SKAP1: variants seen among roughly 807,000 people sequenced by gnomAD.
The protein encoded by SKAP1 is src kinase associated phosphoprotein 1, also known as src kinase-associated phosphoprotein 1.
In SKAP1, 44 loss-of-function variants were observed where a neutral mutation model predicts 58.5. That is an observed-to-expected ratio of 0.75 (90% confidence interval 0.59 to 0.97). The LOEUF (loss-of-function observed/expected upper bound fraction) is 0.97, where lower values mean the gene tolerates loss of function less well. SKAP1 is among the 50% of genes least tolerant of loss of function. The probability of loss-of-function intolerance (pLI) is 0.00; values close to 1 mark genes in which losing one functional copy is unlikely to be tolerated. For missense variants in SKAP1, 390 were observed against 435.2 expected (o/e 0.90, Z 0.92); for synonymous variants, 127 against 149.7 (o/e 0.85, Z 1.11).
chr17:48,396,037 C>T (rs941405983), intron 2 of SKAP1, among the ~76,000 whole-genome samples: 18 of 152,194 alleles, frequency 1.2e-4, no homozygotes, highest in African/African-American at 4.1e-4. Context: ...ATCCCTTGTT[C>T]TCATTCAGTT....
At chr17:48,264,265 C>T (rs1430655997) in intron 4 of SKAP1, among the ~76,000 whole-genome samples, 3 of 146,686 alleles carry the variant, frequency 2.0e-5, no homozygotes, top group Non-Finnish European at 3.0e-5. Context: ...TATATATATA[C>T]ACACACACAG....
At chr17:48,144,099 C>T (rs1178198538) in intron 11 of SKAP1, among the ~76,000 whole-genome samples, 3 of 152,148 alleles carry the variant, frequency 2.0e-5, no homozygotes, top group African/African-American at 7.2e-5. Context: ...CAACTCTCTG[C>T]CCTTCAAAAC....
chr17:48,156,444 A>G lies in SKAP1; in HGVS notation c.978+6025T>C, dbSNP rs117091718. 1.1e-3 allele frequency: 565 copies of G among 527,920 alleles called. 7 individuals are homozygous for G. In the East Asian group the frequency reaches 0.027, roughly 25 times the overall value. 32.7% of individuals were successfully genotyped at this position (527,920 alleles called of 1,614,324 possible). On this transcript the variant is annotated intron_variant, in intron 11 of 12. Coordinates refer to ENST00000336915, the MANE Select transcript of SKAP1 (RefSeq NM_003726.4). ...TGAGGAGACCTGCACCAGCGCCACA[A>G]TCTGGAGCCACTGAAGAGCGCTAAA...
intron 4 of SKAP1, among the ~76,000 whole-genome samples, chr17:48,205,012 TC>T (rs1187808543): frequency 0.033 from 812 of 24,480 alleles, 11 homozygotes; most frequent in African/African-American, 0.12. Context: ...TTTCTTTCTT[TC>T]TTTTTCTTTC....
intron 2 of SKAP1, among the ~76,000 whole-genome samples, chr17:48,366,074 G>A (rs1035153412): frequency 6.6e-6 from 1 of 152,186 alleles, no homozygotes; most frequent in African/African-American, 2.4e-5. Context: ...AAAAGATGCA[G>A]AAAAGGTGAT....
intron 4 of SKAP1, among the ~76,000 whole-genome samples, chr17:48,260,129 A>C (rs2065468518): frequency 6.6e-6 from 1 of 152,172 alleles, no homozygotes. Context: ...ATTAGAAAAA[A>C]ATGAAAAGAG....
At chr17:48,424,722 CA>C (rs1217844018) in intron 1 of SKAP1, among the ~76,000 whole-genome samples, 25 of 149,586 alleles carry the variant, frequency 1.7e-4, no homozygotes, top group Admixed American at 1.6e-3. Context: ...ATCACGAGGT[CA>C]AGAGATCAAG....
chr17:48,190,000 A>G (rs2064517350), intron 4 of SKAP1, among the ~76,000 whole-genome samples: 2 of 151,842 alleles, frequency 1.3e-5, no homozygotes, highest in African/African-American at 2.4e-5. Context: ...TTTCAATTAT[A>G]TCTAATGCTA....
chr17:48,191,698 T>A (rs1207163073), intron 4 of SKAP1, among the ~76,000 whole-genome samples: 1 of 152,240 alleles, frequency 6.6e-6, no homozygotes, highest in African/African-American at 2.4e-5. Context: ...CCTCTTTTTC[T>A]GTTTTTAAGT....
chr17:48,320,362 C>A (rs2066345655), intron 4 of SKAP1, among the ~76,000 whole-genome samples: 1 of 152,106 alleles, frequency 6.6e-6, no homozygotes, highest in Admixed American at 6.5e-5. Flanking sequence ...ACAAGGATGT[C>A]TTTCAAAAGT....
At chr17:48,349,765 A>T (rs1255516819) in intron 3 of SKAP1, among the ~76,000 whole-genome samples, 14 of 152,168 alleles carry the variant, frequency 9.2e-5, no homozygotes, top group Admixed American at 9.2e-4. Context: ...ACAGAGTGAT[A>T]AGTTGTGAAT....
chr17:48,386,345 T>C (rs2067276832), intron 2 of SKAP1, among the ~76,000 whole-genome samples: 1 of 147,348 alleles, frequency 6.8e-6, no homozygotes, highest in Non-Finnish European at 1.5e-5. Context: ...AGACCATTCA[T>C]GCCTTTAAGG....
At chr17:48,271,942 T>TA (rs1024342478) in intron 4 of SKAP1, among the ~76,000 whole-genome samples, 1 of 151,960 alleles carries the variant, frequency 6.6e-6, no homozygotes, top group South Asian at 2.1e-4. Context: ...ATCCCTCTTT[T>TA]AAAAAAAACA....
intron 4 of SKAP1, among the ~76,000 whole-genome samples, chr17:48,215,066 G>A (rs1445809504): frequency 1.3e-5 from 2 of 152,006 alleles, no homozygotes; most frequent in Non-Finnish European, 2.9e-5. Context: ...GATTACAGGT[G>A]TGAGTCACTG....
intron 4 of SKAP1, among the ~76,000 whole-genome samples, chr17:48,204,696 C>G (rs2064771139): frequency 1.3e-5 from 2 of 152,204 alleles, no homozygotes; most frequent in South Asian, 4.1e-4. Context: ...GAGACAGGTA[C>G]CTGGGCTGTA....
At chr17:48,175,140 C>T (rs7224155) in intron 9 of SKAP1, among the ~76,000 whole-genome samples, 3 of 152,052 alleles carry the variant, frequency 2.0e-5, no homozygotes, top group Non-Finnish European at 4.4e-5. Flanking sequence ...TGACACCTGG[C>T]TATTTTCTGA....
At chr17:48,384,461 G>A (rs2067252694) in intron 2 of SKAP1, among the ~76,000 whole-genome samples, 1 of 152,112 alleles carries the variant, frequency 6.6e-6, no homozygotes, top group Admixed American at 6.6e-5. Flanking sequence ...CAAAACAAAA[G>A]GTCTGAAGAC....
chr17:48,345,774 C>A, intron 4 of SKAP1, 131 bp downstream of exon 4: 1 of 632,914 alleles, frequency 1.6e-6, no homozygotes, highest in Middle Eastern at 2.6e-4. Flanking sequence ...TTGTTCTTTG[C>A]AAACTAGTGA....
At chr17:48,277,365 C>T (rs2065713841) in intron 4 of SKAP1, among the ~76,000 whole-genome samples, 1 of 152,170 alleles carries the variant, frequency 6.6e-6, no homozygotes, top group Non-Finnish European at 1.5e-5. Flanking sequence ...CTAACAGACC[C>T]TCTGTCATTT....
Sources: allele counts gnomAD v4.1 joint callset (sites outside exome capture counted in the v4.1 genomes callset), GRCh38; gene constraint gnomAD v4.1.1; transcripts MANE v1.5; gene names NCBI Gene and HGNC (gene_info 2026-07-23, HGNC 2026-07-21).